FRAS1: variants seen among roughly 807,000 people sequenced by gnomAD.
The protein encoded by FRAS1 is Fraser extracellular matrix complex subunit 1.
FRAS1 carries 290 observed loss-of-function variants against 435.2 expected under a neutral mutation model. The ratio of observed to expected loss-of-function variants is 0.67; its 90% CI spans 0.61 to 0.73. The LOEUF is 0.73. Among genes scored for constraint, FRAS1 ranks in the 30% least tolerant of loss-of-function variants. The pLI is 0.00. For missense variants in FRAS1, 4,860 were observed against 5,001.5 expected (o/e 0.97, Z 0.85); for synonymous variants, 1,800 against 1,851.0 (o/e 0.97, Z 0.71).
At chr4:78,429,985 C>T (rs1454910599) in intron 36 of FRAS1, among the ~76,000 whole-genome samples, 1 of 152,124 alleles carries the variant, frequency 6.6e-6, no homozygotes. Flanking sequence ...AAATCTAACC[C>T]AGCTAGTCAG....
intron 5 of FRAS1, among the ~76,000 whole-genome samples, chr4:78,253,767 A>G (rs533800310): frequency 6.6e-6 from 1 of 152,316 alleles, no homozygotes; most frequent in South Asian, 2.1e-4. Context: ...ACAGTTCTGC[A>G]TTCACAGCTC....
chr4:78,516,421 A>T (rs777023660), intron 66 of FRAS1, among the ~76,000 whole-genome samples: 2 of 152,236 alleles, frequency 1.3e-5, no homozygotes, highest in Non-Finnish European at 2.9e-5. Context: ...CTTTCAGAAG[A>T]TAAGAAGAGC....
chr4:78,376,238 A>G (rs559109354), intron 26 of FRAS1, among the ~76,000 whole-genome samples: 1 of 152,352 alleles, frequency 6.6e-6, no homozygotes, highest in South Asian at 2.1e-4. Context: ...GAAATGCATC[A>G]TTAAGCAGTT....
intron 20 of FRAS1, among the ~76,000 whole-genome samples, chr4:78,360,940 G>A (rs887307375): frequency 5.3e-5 from 8 of 152,202 alleles, no homozygotes; most frequent in African/African-American, 1.9e-4. Context: ...GCTAGAGAAA[G>A]CATCTGTTAG....
At chr4:78,114,101 C>T (rs928814946) in intron 2 of FRAS1, among the ~76,000 whole-genome samples, 7 of 152,118 alleles carry the variant, frequency 4.6e-5, no homozygotes, top group African/African-American at 1.7e-4. Context: ...TTCCCCATTG[C>T]TTGTTTTTCT....
At chr4:78,307,329 C>T (rs1448613203) in intron 14 of FRAS1, among the ~76,000 whole-genome samples, 1 of 152,202 alleles carries the variant, frequency 6.6e-6, no homozygotes, top group African/African-American at 2.4e-5. Context: ...TTGTCTGTGC[C>T]CTGCCCCCAG....
chr4:78,249,033 G>T (rs1275824545), intron 4 of FRAS1, among the ~76,000 whole-genome samples: 1 of 29,916 alleles, frequency 3.3e-5, no homozygotes, highest in Non-Finnish European at 9.1e-5. Context: ...TCATAAACGT[G>T]TATGAAGAAC....
chr4:78,408,479 C>G (rs1733190279), intron 31 of FRAS1, among the ~76,000 whole-genome samples: 1 of 151,870 alleles, frequency 6.6e-6, no homozygotes, highest in Non-Finnish European at 1.5e-5. Flanking sequence ...TATAAAAATA[C>G]TATATGGAGA....
At chr4:78,407,984 TA>T in intron 31 of FRAS1, 143 bp downstream of exon 31, 4 of 701,496 alleles carry the variant, frequency 5.7e-6, no homozygotes, top group Non-Finnish European at 9.1e-6. Flanking sequence ...ATGCTACTGA[TA>T]AAGACATACC....
chr4:78,370,390 T>G (rs1219984845), intron 23 of FRAS1, among the ~76,000 whole-genome samples: 1 of 152,190 alleles, frequency 6.6e-6, no homozygotes, highest in Non-Finnish European at 1.5e-5. Context: ...GGTTTTTTCT[T>G]AACCAGAAGC....
intron 2 of FRAS1, among the ~76,000 whole-genome samples, chr4:78,163,881 G>C (rs1721237178): frequency 6.6e-6 from 1 of 152,196 alleles, no homozygotes; most frequent in African/African-American, 2.4e-5. Context: ...TTTCAGTGCA[G>C]GGACATGAAA....
chr4:78,532,805 G>A (rs982716018), intron 70 of FRAS1, among the ~76,000 whole-genome samples: 1 of 151,946 alleles, frequency 6.6e-6, no homozygotes, highest in African/African-American at 2.4e-5. Context: ...GTCACGAATG[G>A]CAGGATCTCC....
chr4:78,235,367 C>A (rs890975681), intron 2 of FRAS1, among the ~76,000 whole-genome samples: 2 of 152,190 alleles, frequency 1.3e-5, no homozygotes, highest in African/African-American at 4.8e-5. Context: ...AGTTTCCTAG[C>A]TCATCTCAGC....
At chr4:78,386,799 A>G (rs1332736553) in intron 28 of FRAS1, among the ~76,000 whole-genome samples, 1 of 152,188 alleles carries the variant, frequency 6.6e-6, no homozygotes, top group Non-Finnish European at 1.5e-5. Context: ...ACTATAATAT[A>G]TTAGCCTTGT....
chr4:78,216,442 A>T (rs1391938035), intron 2 of FRAS1, among the ~76,000 whole-genome samples: 2 of 152,250 alleles, frequency 1.3e-5, no homozygotes, highest in Non-Finnish European at 2.9e-5. Flanking sequence ...CAGTGCATAA[A>T]TACATGCATA....
intron 2 of FRAS1, among the ~76,000 whole-genome samples, chr4:78,093,624 A>G (rs1741642211): frequency 6.6e-6 from 1 of 152,230 alleles, no homozygotes; most frequent in African/African-American, 2.4e-5. Flanking sequence ...ATGCTCTCCA[A>G]CATTTTATTT....
chr4:78,534,685 A>C, intron 71 of FRAS1, 70 bp downstream of exon 71: 2 of 1,459,078 alleles, frequency 1.4e-6, no homozygotes, highest in Non-Finnish European at 1.9e-6. Flanking sequence ...AAGTCACCGG[A>C]CTGGCATCTC....
chr4:78,358,893 T>A (rs1310716795), intron 20 of FRAS1, among the ~76,000 whole-genome samples: 1 of 152,214 alleles, frequency 6.6e-6, no homozygotes, highest in African/African-American at 2.4e-5. Flanking sequence ...GGAATGCTGA[T>A]GATATTGAGT....
At chr4:78,449,069 A>G (rs551370921) in intron 44 of FRAS1, among the ~76,000 whole-genome samples, 3 of 152,306 alleles carry the variant, frequency 2.0e-5, no homozygotes, top group African/African-American at 4.8e-5. Context: ...ACTTTATCCT[A>G]CTTATAAGCT....
Sources: allele counts gnomAD v4.1 joint callset (sites outside exome capture counted in the v4.1 genomes callset), GRCh38; gene constraint gnomAD v4.1.1; transcripts MANE v1.5; gene names NCBI Gene and HGNC (gene_info 2026-07-23, HGNC 2026-07-21).